Variants in PTPRN2 observed in about 807,000 individuals in gnomAD.
PTPRN2 encodes the protein receptor-type tyrosine-protein phosphatase N2.
A neutral mutation model predicts 118.8 loss-of-function variants in PTPRN2; 74 were observed. The observed-to-expected ratio is 0.62, with a 90% confidence interval of 0.52 to 0.76. The LOEUF (loss-of-function observed/expected upper bound fraction) is 0.76, where lower values mean the gene tolerates loss of function less well. Among genes scored for constraint, PTPRN2 ranks in the 30% least tolerant of loss-of-function variants. The pLI is 0.00. For synonymous variants in PTPRN2, 641 were observed against 608.0 expected, an observed-to-expected ratio of 1.05 and a Z score of -0.80; for missense variants, 1,481 against 1,394.4, an observed-to-expected ratio of 1.06 and a Z score of -0.99.
chr7:157,741,053 G>C (rs188918502), intron 12 of PTPRN2, among the ~76,000 whole-genome samples: 140 of 152,268 alleles, frequency 9.2e-4, no homozygotes, highest in Admixed American at 1.6e-3. Context: ...ACAAGGGAAG[G>C]GGGGAGATGA....
At chr7:157,545,586 C>T (rs1798278419) in intron 22 of PTPRN2, among the ~76,000 whole-genome samples, 1 of 152,018 alleles carries the variant, frequency 6.6e-6, no homozygotes, top group Admixed American at 6.6e-5. Flanking sequence ...CCGTTCAGCC[C>T]CTGGGTGCCT....
intron 1 of PTPRN2, among the ~76,000 whole-genome samples, chr7:158,543,556 C>T (rs1220484707): frequency 6.6e-6 from 1 of 152,180 alleles, no homozygotes; most frequent in Non-Finnish European, 1.5e-5. Context: ...AAACTGTTAC[C>T]AAGATGGCAG....
At chr7:158,480,748 A>G (rs1329989894) in intron 2 of PTPRN2, among the ~76,000 whole-genome samples, 1 of 152,262 alleles carries the variant, frequency 6.6e-6, no homozygotes, top group East Asian at 1.9e-4. Context: ...CAAGCCAGCC[A>G]CAATATTCCC....
At chr7:157,989,885 G>A (rs907245056) in intron 11 of PTPRN2, among the ~76,000 whole-genome samples, 4 of 151,878 alleles carry the variant, frequency 2.6e-5, no homozygotes, top group African/African-American at 4.8e-5. Context: ...CTCTGCCCCC[G>A]CATCCCACCC....
chr7:158,139,097 G>A (rs1291623904), intron 6 of PTPRN2, among the ~76,000 whole-genome samples: 4 of 152,174 alleles, frequency 2.6e-5, no homozygotes, highest in African/African-American at 7.2e-5. Context: ...CTTAAAGGAA[G>A]GTGGCAGGGT....
At chr7:157,921,431 A>G (rs1798686204) in intron 11 of PTPRN2, among the ~76,000 whole-genome samples, 1 of 152,218 alleles carries the variant, frequency 6.6e-6, no homozygotes, top group African/African-American at 2.4e-5. Flanking sequence ...GCCCAAACCC[A>G]CAGAATGTAC....
At chr7:157,880,610 C>T (rs1796057179) in intron 12 of PTPRN2, among the ~76,000 whole-genome samples, 2 of 152,190 alleles carry the variant, frequency 1.3e-5, no homozygotes. Flanking sequence ...GGCAGGCCAT[C>T]TCCACGCTGA....
intron 2 of PTPRN2, among the ~76,000 whole-genome samples, chr7:158,368,570 GC>G (rs1403017132): frequency 2.6e-5 from 4 of 152,222 alleles, no homozygotes; most frequent in African/African-American, 9.6e-5. Context: ...GGCCCGGCCC[GC>G]CCGCACAGTA....
In PTPRN2 at chr7:158,360,199, C is replaced by T. The variant is rs1473393463; in HGVS notation, c.164-43267G>A. On this transcript the variant is annotated intron_variant, in intron 2 of 22. Transcript: ENST00000389418. ...ACCCCACATCCACCCTCACCCAGGA[C>T]GACGCACAGACCCCACATCCACCCT... Among the ~76,000 whole-genome samples, 58 of 7,204 alleles carry T rather than the reference C, an allele frequency of 8.1e-3. 5 individuals are homozygous for T. Among genetic ancestry groups the T allele is most frequent in the South Asian group, 0.033 (3 of 90 alleles). 4.7% of individuals were successfully genotyped at this position (7,204 alleles called of 152,430 possible).
chr7:158,151,493 C>T (rs1328091589), intron 6 of PTPRN2, among the ~76,000 whole-genome samples: 18 of 144,326 alleles, frequency 1.2e-4, no homozygotes, highest in Middle Eastern at 3.7e-3. Context: ...TCCCTGCCCA[C>T]ACCGCCCGCC....
chr7:158,459,364 C>CAT, intron 2 of PTPRN2, among the ~76,000 whole-genome samples: 1 of 120,746 alleles, frequency 8.3e-6, no homozygotes, highest in Non-Finnish European at 1.8e-5. Context: ...ATCCAGAGGC[C>CAT]CCGCTTGGGA....
At chr7:158,561,764 C>G (rs1324368803) in intron 1 of PTPRN2, among the ~76,000 whole-genome samples, 1 of 152,190 alleles carries the variant, frequency 6.6e-6, no homozygotes, top group African/African-American at 2.4e-5. Context: ...ACACTTCCGA[C>G]AGGGGAGATG....
Position 158,264,748 on chromosome 7 carries a change from A to G in PTPRN2, c.277+52071T>C, listed in dbSNP as rs1232537055. Among the ~76,000 whole-genome samples the G allele has an allele frequency of 3.9e-5, 6 of 152,154 alleles. 1 individual carries two copies. Among genetic ancestry groups the G allele is most frequent in the Non-Finnish European group, 8.8e-5 (6 of 68,022 alleles). On this transcript the variant is annotated intron_variant, in intron 3 of 22. Transcript: ENST00000389418. ...GGCTCCAGGACTGCCTCAAGTGTGC[A>G]CTGAAAACTGCCCCATTCCGAAAAG...
At chr7:158,074,772 C>T (rs969627667) in intron 11 of PTPRN2, among the ~76,000 whole-genome samples, 3 of 152,300 alleles carry the variant, frequency 2.0e-5, no homozygotes, top group East Asian at 3.9e-4. Context: ...AGCAGTGAGT[C>T]GGAGGGGACA....
chr7:158,332,497 A>T (rs1257968643), intron 2 of PTPRN2, among the ~76,000 whole-genome samples: 3 of 147,986 alleles, frequency 2.0e-5, no homozygotes, highest in African/African-American at 7.7e-5. Flanking sequence ...TCACACCCAC[A>T]CTCTCACCAT....
intron 12 of PTPRN2, chr7:157,740,260 G>T (rs749947357): frequency 6.6e-6 from 1 of 152,206 alleles, no homozygotes; most frequent in East Asian, 1.9e-4. Flanking sequence ...GGTGGATCAG[G>T]TTCCTGTAGG....
chr7:158,140,837 C>T (rs1397557179), intron 6 of PTPRN2, among the ~76,000 whole-genome samples: 4 of 152,344 alleles, frequency 2.6e-5, no homozygotes, highest in Middle Eastern at 3.4e-3. Flanking sequence ...AAAGACTCTG[C>T]CCTAAAGAAG....
intron 11 of PTPRN2, among the ~76,000 whole-genome samples, chr7:158,034,895 G>C (rs6963262): frequency 0.62 from 94,028 of 152,206 alleles, 29,637 homozygotes; most frequent in African/African-American, 0.73. Flanking sequence ...CTCTACTTTT[G>C]TGGGGTAGGC....
intron 2 of PTPRN2, among the ~76,000 whole-genome samples, chr7:158,475,509 G>T (rs890617748): frequency 6.6e-6 from 1 of 152,076 alleles, no homozygotes; most frequent in Non-Finnish European, 1.5e-5. Context: ...CACCAAGGAC[G>T]GGCCCACTCA....
Sources: gnomAD v4.1 joint callset for allele counts (sites outside exome capture counted in the v4.1 genomes callset) on GRCh38, gnomAD v4.1.1 for gene constraint, MANE v1.5 for transcripts, NCBI Gene and HGNC (gene_info 2026-07-23, HGNC 2026-07-21) for gene names.